KIAA1217: variants seen among roughly 807,000 people sequenced by gnomAD.
KIAA1217 encodes KIAA1217, also known as sickle tail protein homolog.
KIAA1217 carries 88 observed loss-of-function variants against 163.9 expected under a neutral mutation model. The observed-to-expected ratio is 0.54, with a 90% CI of 0.45 to 0.64. The LOEUF is 0.64. Ranked by LOEUF, KIAA1217 falls within the 30% of genes least tolerant of loss-of-function variation. The probability of loss-of-function intolerance (pLI) is 0.00; values close to 1 mark genes in which losing one functional copy is unlikely to be tolerated. For missense variants in KIAA1217, 2,372 were observed against 2,475.0 expected, an observed-to-expected ratio of 0.96 and a Z score of 0.88; for synonymous variants, 903 against 923.1, an observed-to-expected ratio of 0.98 and a Z score of 0.39.
At chr10:23,788,938 A>G (rs557371511) in intron 1 of KIAA1217, among the ~76,000 whole-genome samples, 1 of 152,354 alleles carries the variant, frequency 6.6e-6, no homozygotes, top group African/African-American at 2.4e-5. Context: ...GTGACCTTAA[A>G]GAGATGAGCT....
At chr10:24,377,884 C>A (rs61848113) in intron 2 of KIAA1217, among the ~76,000 whole-genome samples, 19,340 of 151,538 alleles carry the variant, frequency 0.13, 1,377 homozygotes, top group South Asian at 0.31. Flanking sequence ...TGTAAGGCAC[C>A]GTTATCCCAA....
At chr10:24,049,807 G>A (rs573179304) in intron 2 of KIAA1217, among the ~76,000 whole-genome samples, 221 of 152,124 alleles carry the variant, frequency 1.5e-3, no homozygotes, top group Admixed American at 2.1e-3. Context: ...ATTTATAATC[G>A]TTTGGGTTTA....
At chr10:24,189,380 A>G (rs1208479625) in intron 2 of KIAA1217, among the ~76,000 whole-genome samples, 1 of 152,186 alleles carries the variant, frequency 6.6e-6, no homozygotes, top group Non-Finnish European at 1.5e-5. Context: ...CTGAGGAGCA[A>G]TTCTAGACAA....
chr10:23,907,649 T>C (rs114152200), intron 1 of KIAA1217, among the ~76,000 whole-genome samples: 1,537 of 152,128 alleles, frequency 0.01, 22 homozygotes, highest in African/African-American at 0.035. Flanking sequence ...TCTGTTCTAT[T>C]TGGGCCCTCC....
intron 2 of KIAA1217, among the ~76,000 whole-genome samples, chr10:24,317,924 G>A (rs11014024): frequency 0.15 from 23,465 of 152,178 alleles, 1,817 homozygotes; most frequent in Non-Finnish European, 0.16. Context: ...ATGCATCAAC[G>A]TGCGTAGGGC....
At chr10:24,040,152 T>A (rs548493256) in intron 2 of KIAA1217, among the ~76,000 whole-genome samples, 36 of 152,194 alleles carry the variant, frequency 2.4e-4, no homozygotes, top group Non-Finnish European at 4.7e-4. Context: ...CTTTGCCAGG[T>A]GCCACAGCCC....
intron 2 of KIAA1217, among the ~76,000 whole-genome samples, chr10:24,242,251 A>G (rs538340884): frequency 6.6e-6 from 1 of 152,264 alleles, no homozygotes; most frequent in East Asian, 1.9e-4. Flanking sequence ...TCCCACCTCC[A>G]TCCCCACTCT....
At chr10:24,493,593 C>T (rs1445083679) in intron 6 of KIAA1217, among the ~76,000 whole-genome samples, 2 of 152,082 alleles carry the variant, frequency 1.3e-5, no homozygotes, top group Admixed American at 1.3e-4. Context: ...CATCAAAGAG[C>T]CCTGGAGAGA....
chr10:23,786,869 T>C (rs867299730), intron 1 of KIAA1217, among the ~76,000 whole-genome samples: 27 of 152,252 alleles, frequency 1.8e-4, no homozygotes, highest in Middle Eastern at 3.4e-3. Context: ...TTTCCAATCA[T>C]CAAAGCTTAA....
intron 16 of KIAA1217, among the ~76,000 whole-genome samples, chr10:24,535,575 G>A (rs2073880073): frequency 6.6e-6 from 1 of 152,300 alleles, no homozygotes; most frequent in African/African-American, 2.4e-5. Context: ...AGCAGTTTGA[G>A]ACCAGCCTGG....
intron 6 of KIAA1217, among the ~76,000 whole-genome samples, chr10:24,485,092 T>C (rs1050418261): frequency 3.1e-5 from 3 of 96,812 alleles, no homozygotes; most frequent in African/African-American, 1.2e-4. Flanking sequence ...CTGCCCGCTT[T>C]TTTTTTTTTT....
chr10:24,061,803 T>C (rs2060733130), intron 2 of KIAA1217, among the ~76,000 whole-genome samples: 1 of 152,222 alleles, frequency 6.6e-6, no homozygotes, highest in Admixed American at 6.5e-5. Context: ...CTCTTCCTGC[T>C]TTCAAAATTC....
chr10:24,109,182 A>G (rs1277596698), intron 2 of KIAA1217, among the ~76,000 whole-genome samples: 5 of 152,144 alleles, frequency 3.3e-5, no homozygotes, highest in Non-Finnish European at 7.4e-5. Context: ...TTCACTAATG[A>G]TCAGAGAGAT....
At chr10:24,010,882 A>G (rs894314275) in intron 2 of KIAA1217, among the ~76,000 whole-genome samples, 2 of 152,072 alleles carry the variant, frequency 1.3e-5, no homozygotes, top group Non-Finnish European at 2.9e-5. Flanking sequence ...GAAGCAAAGG[A>G]AGTGCAGAAT....
chr10:24,362,443 T>C (rs2050152859), intron 2 of KIAA1217, among the ~76,000 whole-genome samples: 1 of 152,208 alleles, frequency 6.6e-6, no homozygotes. Flanking sequence ...GAAAAGGAAA[T>C]GTGCTTCCAC....
chr10:23,843,722 AT>A (rs1838895028), intron 1 of KIAA1217, among the ~76,000 whole-genome samples: 2 of 152,162 alleles, frequency 1.3e-5, no homozygotes, highest in Admixed American at 1.3e-4. Flanking sequence ...AGGCAGGGTG[AT>A]AATGGTTGAC....
At chr10:24,471,600 A>C (rs1284123072) in intron 5 of KIAA1217, among the ~76,000 whole-genome samples, 3 of 152,016 alleles carry the variant, frequency 2.0e-5, no homozygotes, top group Non-Finnish European at 4.4e-5. Flanking sequence ...ATCAGTGTAG[A>C]GGCCAGGTGC....
At chr10:24,041,350 T>A (rs1848624969) in intron 2 of KIAA1217, among the ~76,000 whole-genome samples, 1 of 152,244 alleles carries the variant, frequency 6.6e-6, no homozygotes, top group African/African-American at 2.4e-5. Context: ...GTGGAAGGAA[T>A]GTTTTCAGCC....
intron 2 of KIAA1217, among the ~76,000 whole-genome samples, chr10:24,087,133 G>A (rs566888489): frequency 6.6e-6 from 1 of 152,110 alleles, no homozygotes; most frequent in Non-Finnish European, 1.5e-5. Context: ...CTTAGAATGG[G>A]AGAAAAAATT....
Sources: allele counts gnomAD v4.1 joint callset (sites outside exome capture counted in the v4.1 genomes callset), GRCh38; gene constraint gnomAD v4.1.1; transcripts MANE v1.5; gene names NCBI Gene and HGNC (gene_info 2026-07-23, HGNC 2026-07-21).